MZF1: variants seen among roughly 807,000 people sequenced by gnomAD.
MZF1 encodes myeloid zinc finger 1.
In MZF1, 24 loss-of-function variants were observed where a neutral mutation model predicts 28.6. The ratio of observed to expected loss-of-function variants is 0.84; its 90% confidence interval spans 0.61 to 1.18. The LOEUF (loss-of-function observed/expected upper bound fraction) is 1.18, where lower values mean the gene tolerates loss of function less well. MZF1 is among the 50% of genes most tolerant of loss of function. MZF1 has a pLI of 0.00. For missense variants in MZF1, 1,166 were observed against 1,026.4 expected (o/e 1.14, Z -1.86); for synonymous variants, 516 against 432.5 (o/e 1.19, Z -2.40).
Position 58,571,408 on chromosome 19 carries a change from T to C in MZF1, c.-19A>G. 1.2e-6 allele frequency: 2 copies of C among 1,612,670 alleles called. No individual in the cohort carries two copies. Among genetic ancestry groups the C allele is most frequent in the Non-Finnish European group, 1.7e-6 (2 of 1,179,336 alleles). Reference sequence around the variant, plus strand: ...GCCTCATAGAGGGTACCAGGTCAGGTATCTGAGGCCAGTGTCTGCCCCTGG... The same window carrying C: ...GCCTCATAGAGGGTACCAGGTCAGGCATCTGAGGCCAGTGTCTGCCCCTGG... On this transcript the variant is annotated 5_prime_UTR_variant, in exon 2 of 6. The change creates a new upstream start codon in the 5' untranslated region. Transcript: ENST00000215057.
chr19:58,571,936 C>T lies in MZF1; in HGVS notation c.-40-507G>A, dbSNP rs529477856. Reference sequence around the variant, plus strand: ...AGATGATCCTCTTACCTTGACCTCCCGAAGTGCTGGGACTTACAGGTTTGT... The same window carrying T: ...AGATGATCCTCTTACCTTGACCTCCTGAAGTGCTGGGACTTACAGGTTTGT... On this transcript the variant is annotated intron_variant, in intron 1 of 5. Transcript: ENST00000215057. 3.8e-5 allele frequency: 6 copies of T among 158,826 alleles called. No homozygotes were observed. The South Asian group carries it at 9.6e-4, about 25-fold the overall frequency. The allele number at this position is 158,826 out of a possible 1,614,324, so 9.8% of individuals were successfully genotyped here. A position where few individuals can be genotyped will look rare whatever the true frequency, so the allele number is the denominator to read the frequency against.
In MZF1 at chr19:58,569,373, T is replaced by C. The variant is rs746401031; in HGVS notation, c.676A>G (p.Ile226Val). The C allele has an allele frequency of 3.1e-6, 5 of 1,613,776 alleles. No individual in the cohort carries two copies. The highest frequency in any genetic ancestry group is 1.7e-5 in the Admixed American group (1 of 59,986). The stretch of plus-strand genomic sequence containing the variant: ...GGCCCAGTCTTGCTGTGGGGAAAGA[T>C]CTGGTCCAGCACGGTCCCACATCTC... ...AQRCGTVLDQ[I>V]FPHSKTGPEG... Residue 226 changes from isoleucine to valine, a missense_variant, in exon 5 of 6, where the codon ATC (isoleucine) becomes GTC (valine). Coordinates refer to ENST00000215057, the MANE Select transcript of MZF1 (RefSeq NM_198055.2).
rs749805016 is a variant in MZF1, at chr19:58,563,032, G to A, written c.1245C>T (p.Gly415=). 3.7e-6 allele frequency: 6 copies of A among 1,602,032 alleles called. No homozygotes were observed. The highest frequency in any genetic ancestry group is 5.1e-6 in the Non-Finnish European group (6 of 1,179,614). The part of the protein sequence containing the change: ...THTEERPFVC[G]DCGQGFVRSA... ...TGCGCACGAAGCCCTGGCCACAGTCGCCGCACACGAACGGCCGCTCCTCGG... is the reference window on the plus strand; with the variant it reads ...TGCGCACGAAGCCCTGGCCACAGTCACCGCACACGAACGGCCGCTCCTCGG... The change falls in exon 6 of 6, where the codon GGC becomes GGT. Residue 415 remains glycine, a synonymous_variant. Transcript: ENST00000215057.
chr19:58,564,902 G>GTTT lies in MZF1; in HGVS notation c.773-1401_773-1399dup, dbSNP rs71190056. Among the ~76,000 whole-genome samples, 221 of 41,972 alleles carry GTTT rather than the reference G, an allele frequency of 5.3e-3. 62 individuals are homozygous for GTTT. Among genetic ancestry groups the GTTT allele is most frequent in the East Asian group, 0.031 (22 of 710 alleles). The allele number at this position is 41,972 out of a possible 152,430, so 27.5% of individuals were successfully genotyped here. On this transcript the variant is annotated intron_variant, in intron 5 of 5. Coordinates refer to ENST00000215057, the MANE Select transcript of MZF1 (RefSeq NM_198055.2). ...GTGGAGAATAAGCATCCATGTGTGT[G>GTTT]TTTTTTTTTTTTTTTTTTTTTTTTT...
In MZF1 at chr19:58,571,367, G is replaced by A. The variant is rs116446481; in HGVS notation, c.23C>T (p.Ser8Phe). 8.7e-6 allele frequency: 14 copies of A among 1,614,164 alleles called. No individual in the cohort carries two copies. The highest frequency in any genetic ancestry group is 8.0e-5 in the African/African-American group (6 of 75,064). The change falls in exon 2 of 6, where the codon TCC becomes TTC. Residue 8 changes from serine to phenylalanine, a missense_variant. Coordinates refer to ENST00000215057, the MANE Select transcript of MZF1 (RefSeq NM_198055.2). Reference protein sequence around the residue: MRPAVLGSPDRAPPEDEG... With the variant: MRPAVLGFPDRAPPEDEG... ...ATCTTCTGGGGGTGCTCGGTCTGGGGAGCCCAGCACCGCAGGCCTCATAGA... is the reference window on the plus strand; with the variant it reads ...ATCTTCTGGGGGTGCTCGGTCTGGGAAGCCCAGCACCGCAGGCCTCATAGA...
intron 3 of MZF1, 122 bp from the exon 4 acceptor site, chr19:58,569,708 G>GGGTTAGGGTTAGGGTTAGGGTT: frequency 1.2e-6 from 1 of 843,620 alleles, no homozygotes; most frequent in South Asian, 1.7e-5. Flanking sequence ...TTGGGTTGGG[G>GGGTTAGGGTTAGGGTTAGGGTT]AGGGCAGTGC....
chr19:58,565,777 C>T (rs1395407132), intron 5 of MZF1, among the ~76,000 whole-genome samples: 1 of 148,272 alleles, frequency 6.7e-6, no homozygotes, highest in Non-Finnish European at 1.5e-5. Flanking sequence ...CGTGATCCGC[C>T]CGCCTTGGCC....
At position 58,563,475 on chromosome 19, in the gene MZF1, C is replaced by A. The variant is rs374539216; in HGVS notation, c.802G>T (p.Ala268Ser). ...TGAGGGCTTACACTACCTGGACCTG[C>A]GGAGATGCTGCCTAGCTGCAGCGCG... Reference protein sequence around the residue: ...GFALQLGSISAGPGSVSPHLH... With the variant: ...GFALQLGSISSGPGSVSPHLH... Residue 268 changes from alanine to serine, a missense_variant, in exon 6 of 6, where the codon GCA (alanine) becomes TCA (serine). Physicochemically the swap from Ala to Ser is moderately conservative, Grantham distance 99. Coordinates refer to ENST00000215057, the MANE Select transcript of MZF1 (RefSeq NM_198055.2). The A allele has an allele frequency of 3.2e-6, 5 of 1,562,076 alleles. No individual in the cohort carries two copies. The highest frequency in any genetic ancestry group is 4.3e-6 in the Non-Finnish European group (5 of 1,151,476).
chr19:58,564,830 T>A (rs917659745), intron 5 of MZF1, among the ~76,000 whole-genome samples: 3 of 150,826 alleles, frequency 2.0e-5, no homozygotes, highest in Non-Finnish European at 4.4e-5. Context: ...CTTGCTGCTG[T>A]GTACTTAAGT....
At chr19:58,570,634 G>T in intron 2 of MZF1, 107 bp from the exon 3 acceptor site, 1 of 1,240,074 alleles carries the variant, frequency 8.1e-7, no homozygotes, top group Non-Finnish European at 1.1e-6. Flanking sequence ...GGCCTGCCTT[G>T]TAAATACCTA....
intron 5 of MZF1, 28 bp downstream of exon 5, chr19:58,569,249 T>C (rs754790063): frequency 6.4e-7 from 1 of 1,566,922 alleles, no homozygotes; most frequent in Non-Finnish European, 8.6e-7. Flanking sequence ...GCGGAAGGCC[T>C]AGTCCCACCA....
At chr19:58,569,188 G>C in intron 5 of MZF1, 89 bp downstream of exon 5, 1 of 1,451,682 alleles carries the variant, frequency 6.9e-7, no homozygotes. Flanking sequence ...GGAGTAAGAG[G>C]GCTGCCTGCG....
intron 1 of MZF1, chr19:58,572,850 C>G (rs1477824088): frequency 3.2e-6 from 1 of 309,236 alleles, no homozygotes; most frequent in Non-Finnish European, 6.6e-6. Context: ...CCTAGGCAAC[C>G]GGGGGCGGGG....
At chr19:58,569,880 G>C (rs1465564785) in intron 3 of MZF1, 1 of 390,886 alleles carries the variant, frequency 2.6e-6, no homozygotes, top group East Asian at 4.8e-5. Context: ...TATTGTACAA[G>C]GGTCCACATA....
intron 1 of MZF1, chr19:58,572,734 G>GCTATGACCCAA: frequency 1.2e-6 from 1 of 810,402 alleles, no homozygotes; most frequent in Non-Finnish European, 1.8e-6. Flanking sequence ...GAGAGACTTG[G>GCTATGACCCAA]GTCATAGCCA....
At chr19:58,572,459 C>T in intron 1 of MZF1, 2 of 1,009,964 alleles carry the variant, frequency 2.0e-6, no homozygotes, top group Non-Finnish European at 2.7e-6. Flanking sequence ...GGAACAGGAG[C>T]CTGCAAGGAA....
At position 58,562,715 on chromosome 19, in the gene MZF1, C is replaced by G; in HGVS notation, c.1562G>C (p.Arg521Pro). Residue 521 changes from arginine to proline, a missense_variant, in exon 6 of 6, where the codon CGC becomes CCC. Coordinates refer to ENST00000215057, the MANE Select transcript of MZF1 (RefSeq NM_198055.2). ...CAGCAGCACTGAGCGGCGGCCGAAG[C>G]GCTCGCCGCACTCGACGCAGCCAAA... ...KSFGCVECGE[R>P]FGRRSVLLQH... 6.5e-7 allele frequency: 1 copy of G among 1,535,912 alleles called. No homozygotes were observed. Among genetic ancestry groups the G allele is most frequent in the Non-Finnish European group, 8.7e-7 (1 of 1,147,322 alleles).
intron 5 of MZF1, among the ~76,000 whole-genome samples, chr19:58,567,488 G>A (rs897171059): frequency 6.6e-6 from 1 of 152,238 alleles, no homozygotes; most frequent in Non-Finnish European, 1.5e-5. Context: ...ATTGGATGCT[G>A]AGATGTTAAT....
Position 58,562,873 on chromosome 19 carries a change from A to G in MZF1, c.1404T>C (p.Pro468=). The G allele has an allele frequency of 9.1e-6, 14 of 1,541,934 alleles. No homozygotes were observed. The highest frequency in any genetic ancestry group is 1.2e-5 in the Non-Finnish European group (14 of 1,151,560). The stretch of plus-strand genomic sequence containing the variant: ...CAGGAGGGGCCGGGGGCTTAGCGCC[A>G]GGGCCCGGGGGATCGCCGTGGATGC... ...HQRIHGDPPG[P]GAKPPAPPGA... The change falls in exon 6 of 6, where the codon CCT becomes CCC. Residue 468 remains proline (P), a synonymous_variant. Coordinates refer to ENST00000215057, the MANE Select transcript of MZF1 (RefSeq NM_198055.2).
Sources: allele counts gnomAD v4.1 joint callset (sites outside exome capture counted in the v4.1 genomes callset), GRCh38; gene constraint gnomAD v4.1.1; transcripts MANE v1.5; gene names NCBI Gene and HGNC (gene_info 2026-07-23, HGNC 2026-07-21).